EML4: variants seen among roughly 807,000 people sequenced by gnomAD.
The protein encoded by EML4 is echinoderm microtubule-associated protein-like 4.
Under a neutral mutation model 129.0 loss-of-function variants are expected in EML4, and 72 were observed. The observed-to-expected ratio is 0.56, with a 90% CI of 0.46 to 0.68. EML4 has a LOEUF of 0.68. Ranked by LOEUF, EML4 falls within the 30% of genes least tolerant of loss-of-function variation. The pLI is 0.00. For synonymous variants in EML4, 532 were observed against 405.0 expected (o/e 1.31, Z -3.77); for missense variants, 1,363 against 1,190.6 (o/e 1.14, Z -2.13).
intron 6 of EML4, among the ~76,000 whole-genome samples, chr2:42,272,993 T>A (rs1176576035): frequency 6.6e-6 from 1 of 152,318 alleles, no homozygotes; most frequent in East Asian, 1.9e-4. Flanking sequence ...AGGTTTTTAA[T>A]GTTCTGCTGA....
intron 1 of EML4, among the ~76,000 whole-genome samples, chr2:42,208,678 C>T (rs1442872547): frequency 6.6e-6 from 1 of 151,988 alleles, no homozygotes; most frequent in East Asian, 1.9e-4. Flanking sequence ...CATGATCCAC[C>T]CTCCTTGGCC....
intron 1 of EML4, among the ~76,000 whole-genome samples, chr2:42,220,593 G>A (rs1673525419): frequency 6.6e-6 from 1 of 152,018 alleles, no homozygotes; most frequent in Admixed American, 6.5e-5. Context: ...TTGAAATGAG[G>A]CCAGTTAATA....
Position 42,295,207 on chromosome 2 carries a change from T to C in EML4, c.1301T>C (p.Phe434Ser). The change falls in exon 12 of 23, where the codon TTC (phenylalanine) becomes TCC (serine). Residue 434 changes from phenylalanine (F) to serine (S), a missense_variant. Phe to Ser is a radical substitution (Grantham distance 155). Transcript: ENST00000318522. ...ATTACATGCGGTAAATCTCATATTT[T>C]CTTCTGGACCTGGAGCGGCAATTCA... is the stretch of plus-strand genomic sequence containing the variant. ...TIITCGKSHIFFWTWSGNSLT... is the reference protein window; with the variant it reads ...TIITCGKSHISFWTWSGNSLT... 6.2e-7 allele frequency: 1 copy of C among 1,613,594 alleles called. No individual in the cohort carries two copies. The highest frequency in any genetic ancestry group is 8.5e-7 in the Non-Finnish European group (1 of 1,179,904).
chr2:42,256,635 C>A lies in EML4; in HGVS notation c.338+5C>A, dbSNP rs756048433. 6.2e-7 allele frequency: 1 copy of A among 1,612,648 alleles called. No homozygotes were observed. Among genetic ancestry groups the A allele is most frequent in the Admixed American group, 1.7e-5 (1 of 59,674 alleles). On this transcript the variant is annotated splice_donor_5th_base_variant and intron_variant, in intron 3 of 22. Coordinates refer to ENST00000318522, the MANE Select transcript of EML4 (RefSeq NM_019063.5). ...TCTTTCATCTGCTGCTAAAAGGTAC[C>A]CATTTATGAAAGGGGGAAAAACTAA...
chr2:42,327,083 G>A (rs998124429), intron 21 of EML4, among the ~76,000 whole-genome samples: 2 of 152,008 alleles, frequency 1.3e-5, no homozygotes, highest in Admixed American at 1.3e-4. Context: ...GTTTATATAA[G>A]GGGAATCATA....
chr2:42,209,024 A>C (rs1317906760), intron 1 of EML4, among the ~76,000 whole-genome samples: 4 of 152,174 alleles, frequency 2.6e-5, no homozygotes, highest in Non-Finnish European at 5.9e-5. Context: ...ATCCCCTAAG[A>C]GTCCATCGCT....
intron 5 of EML4, 92 bp downstream of exon 5, chr2:42,263,398 C>CTTTTTTTTTTTTTTTTTT (rs67401314): frequency 4.9e-6 from 1 of 202,598 alleles, no homozygotes. Flanking sequence ...TGGTTTGAAT[C>CTTTTTTTTTTTTTTTTTT]TTTTTTTTTT....
chr2:42,245,085 A>ATTTCTTTTTTTTTTTTTTTT (rs1558535322), intron 1 of EML4, among the ~76,000 whole-genome samples: 1 of 42,148 alleles, frequency 2.4e-5, no homozygotes, highest in Non-Finnish European at 4.3e-5. Context: ...TTGTTTTGAA[A>ATTTCTTTTTTTTTTTTTTTT]TTTTCTTTCT....
chr2:42,280,826 A>G (rs756321090), intron 6 of EML4, 24 bp from the exon 7 acceptor site: 9 of 1,583,334 alleles, frequency 5.7e-6, no homozygotes, highest in South Asian at 3.4e-5. Flanking sequence ...CGTATGACTT[A>G]ACTTTTGTCT....
chr2:42,176,885 C>T (rs1421104290), intron 1 of EML4, among the ~76,000 whole-genome samples: 1 of 152,102 alleles, frequency 6.6e-6, no homozygotes, highest in East Asian at 1.9e-4. Flanking sequence ...CCTCTGCCTC[C>T]TGGGTTCAAG....
intron 6 of EML4, among the ~76,000 whole-genome samples, chr2:42,273,680 A>AT (rs34831617): frequency 1.3e-5 from 2 of 151,944 alleles, no homozygotes; most frequent in African/African-American, 2.4e-5. Context: ...ACTTAGTCAG[A>AT]TTTTTTCAGA....
chr2:42,185,909 G>C (rs990586874), intron 1 of EML4, among the ~76,000 whole-genome samples: 1 of 152,144 alleles, frequency 6.6e-6, no homozygotes, highest in East Asian at 1.9e-4. Context: ...TAGTGGGATA[G>C]GAGATACAGA....
At chr2:42,225,317 G>C (rs1374185440) in intron 1 of EML4, among the ~76,000 whole-genome samples, 2 of 151,990 alleles carry the variant, frequency 1.3e-5, no homozygotes, top group Non-Finnish European at 2.9e-5. Flanking sequence ...AATTTTTTGA[G>C]GAAATGCCCA....
chr2:42,179,807 G>A (rs1261265584), intron 1 of EML4, among the ~76,000 whole-genome samples: 1 of 151,992 alleles, frequency 6.6e-6, no homozygotes, highest in Non-Finnish European at 1.5e-5. Context: ...TCACTATGTT[G>A]GTCAGGCTGA....
chr2:42,203,917 T>C (rs1471060513), intron 1 of EML4, among the ~76,000 whole-genome samples: 1 of 152,082 alleles, frequency 6.6e-6, no homozygotes, highest in East Asian at 1.9e-4. Flanking sequence ...TACGATACTG[T>C]TACCTTTCTT....
intron 17 of EML4, among the ~76,000 whole-genome samples, chr2:42,310,901 A>G (rs1572737478): frequency 6.6e-6 from 1 of 152,346 alleles, no homozygotes; most frequent in Non-Finnish European, 1.5e-5. Context: ...TAGTCCTTAC[A>G]ATGAAAAGGG....
intron 1 of EML4, among the ~76,000 whole-genome samples, chr2:42,243,647 A>G (rs1014122461): frequency 5.3e-5 from 8 of 152,336 alleles, no homozygotes; most frequent in South Asian, 4.1e-4. Context: ...TTTTCCTTCA[A>G]TATCTACGTC....
At chr2:42,307,434 T>C (rs1668671922) in intron 17 of EML4, among the ~76,000 whole-genome samples, 2 of 152,236 alleles carry the variant, frequency 1.3e-5, no homozygotes, top group African/African-American at 4.8e-5. Context: ...TAGTTGTCAG[T>C]GTTCATTCTG....
At chr2:42,194,348 T>TA (rs964897934) in intron 1 of EML4, among the ~76,000 whole-genome samples, 18,073 of 61,640 alleles carry the variant, frequency 0.29, 1,100 homozygotes, top group East Asian at 0.46. Flanking sequence ...TCTCTCTCTC[T>TA]TTTTTTTTTT....
Sources: allele counts gnomAD v4.1 joint callset (sites outside exome capture counted in the v4.1 genomes callset), GRCh38; gene constraint gnomAD v4.1.1; transcripts MANE v1.5; gene names NCBI Gene and HGNC (gene_info 2026-07-23, HGNC 2026-07-21).